PRKN: variants seen among roughly 807,000 people sequenced by gnomAD.
PRKN encodes parkin RBR E3 ubiquitin protein ligase.
In PRKN, 56 loss-of-function variants were observed where a neutral mutation model predicts 59.5. The observed-to-expected ratio is 0.94, with a 90% CI of 0.76 to 1.18. The LOEUF is 1.18. Ranked by LOEUF, PRKN falls within the 50% of genes most tolerant of loss-of-function variation. The probability of loss-of-function intolerance (pLI) is 0.00; values close to 1 mark genes in which losing one functional copy is unlikely to be tolerated. For missense variants in PRKN, 657 were observed against 596.4 expected (o/e 1.10, Z -1.06); for synonymous variants, 250 against 222.1 (o/e 1.13, Z -1.12).
At chr6:162,223,660 C>A (rs200237281) in intron 3 of PRKN, among the ~76,000 whole-genome samples, 1 of 75,782 alleles carries the variant, frequency 1.3e-5, no homozygotes, top group African/African-American at 8.5e-5. Flanking sequence ...CACACACACA[C>A]AAACATAATG....
chr6:162,630,296 G>T (rs941965603), intron 1 of PRKN, among the ~76,000 whole-genome samples: 3 of 152,036 alleles, frequency 2.0e-5, no homozygotes, highest in African/African-American at 7.2e-5. Flanking sequence ...AAGCTAACAG[G>T]TTTTCTTCGT....
At position 161,608,708 on chromosome 6, in the gene PRKN, T is replaced by C. The variant is rs1033294409; in HGVS notation, c.872-39292A>G. On this transcript the variant is annotated intron_variant, in intron 7 of 11. Coordinates refer to ENST00000366898, the MANE Select transcript of PRKN (RefSeq NM_004562.3). ...CCACCACGCCCGGCTAATTTTTTTTTTTTTAATTTTTAGTAGAGATGGGGT... is the reference window on the plus strand; with the variant it reads ...CCACCACGCCCGGCTAATTTTTTTTCTTTTAATTTTTAGTAGAGATGGGGT... Among the ~76,000 whole-genome samples the C allele has an allele frequency of 3.3e-5, 5 of 151,968 alleles. No individual in the cohort carries two copies. The South Asian group carries it at 1.0e-3, about 32-fold the overall frequency.
intron 6 of PRKN, among the ~76,000 whole-genome samples, chr6:161,844,473 G>T (rs187102487): frequency 6.6e-6 from 1 of 152,210 alleles, no homozygotes; most frequent in Non-Finnish European, 1.5e-5. Flanking sequence ...GGAGCTGGAC[G>T]GTTGGACTTT....
rs997366679 is a variant in PRKN at position 161,581,122 on chromosome 6, G to T, written c.872-11706C>A. Among the ~76,000 whole-genome samples the T allele has an allele frequency of 3.3e-5, 5 of 151,592 alleles. No individual in the cohort carries two copies. The highest frequency in any genetic ancestry group is 3.3e-4 in the Admixed American group (5 of 15,232). ...ATGCCCTTGTAATCCCAGCTACTGG[G>T]GAGGTTTGAACCTGGGAGGCAGAGG... On this transcript the variant is annotated intron_variant, in intron 7 of 11. Coordinates refer to ENST00000366898, the MANE Select transcript of PRKN (RefSeq NM_004562.3). This position sits in a 1 kb window ranked among gnomAD's most constrained non-coding sequence, Gnocchi z 4.5.
Position 161,579,809 on chromosome 6 carries a change from A to G in PRKN, c.872-10393T>C, listed in dbSNP as rs1005327790. Among the ~76,000 whole-genome samples, 1 of 152,116 alleles carries G rather than the reference A, an allele frequency of 6.6e-6. No individual in the cohort carries two copies. The highest frequency in any genetic ancestry group is 2.4e-5 in the African/African-American group (1 of 41,430). On this transcript the variant is annotated intron_variant, in intron 7 of 11. Transcript: ENST00000366898. This position sits in a 1 kb window ranked among gnomAD's most constrained non-coding sequence, Gnocchi z 4.2. ...ACTTAATGGTATTTTTTGTTTTTGA[A>G]TTTTGTATTTTAAATTCATTTCAGT...
chr6:162,108,480 G>T (rs370030026), intron 4 of PRKN, among the ~76,000 whole-genome samples: 1 of 152,148 alleles, frequency 6.6e-6, no homozygotes, highest in Non-Finnish European at 1.5e-5. Flanking sequence ...AAATGTCAGT[G>T]TTTCCTACCA....
chr6:162,379,231 T>C (rs1786292400), intron 2 of PRKN, among the ~76,000 whole-genome samples: 1 of 152,038 alleles, frequency 6.6e-6, no homozygotes, highest in African/African-American at 2.4e-5. Context: ...GCTGGGAAGA[T>C]GGCTGGATAC....
rs150565022 is a variant in PRKN at position 161,696,311 on chromosome 6, C to T, written c.871+89461G>A. Among the ~76,000 whole-genome samples the T allele has an allele frequency of 2.2e-3, 330 of 152,162 alleles. 2 individuals carry two copies. Among genetic ancestry groups the T allele is most frequent in the African/African-American group, 7.4e-3 (309 of 41,500 alleles). ...ATTTTTATGACTTAAAATATTTGGA[C>T]GGGATATTTGGAAGTTTCTAAACTC... On this transcript the variant is annotated intron_variant, in intron 7 of 11. Coordinates refer to ENST00000366898, the MANE Select transcript of PRKN (RefSeq NM_004562.3).
intron 6 of PRKN, among the ~76,000 whole-genome samples, chr6:161,941,013 G>A (rs771582046): frequency 6.6e-6 from 1 of 151,366 alleles, no homozygotes; most frequent in African/African-American, 2.5e-5. Flanking sequence ...TACTGATATG[G>A]AAGTGCTGGG....
chr6:161,749,772 T>C (rs1453330360), intron 7 of PRKN, among the ~76,000 whole-genome samples: 1 of 152,120 alleles, frequency 6.6e-6, no homozygotes, highest in Non-Finnish European at 1.5e-5. Flanking sequence ...GGCGAGGCTC[T>C]GTCACTTGAC....
intron 1 of PRKN, among the ~76,000 whole-genome samples, chr6:162,505,125 G>C (rs531385046): frequency 6.6e-6 from 1 of 152,288 alleles, no homozygotes; most frequent in South Asian, 2.1e-4. Context: ...ACCAGATAGA[G>C]AGAAATGTGT....
intron 9 of PRKN, among the ~76,000 whole-genome samples, chr6:161,542,909 A>G (rs1779667830): frequency 6.6e-6 from 1 of 152,220 alleles, no homozygotes; most frequent in Admixed American, 6.5e-5. Flanking sequence ...AAAAAACTCA[A>G]TATGGTTTAA....
chr6:162,067,974 G>C (rs960182897), intron 4 of PRKN, among the ~76,000 whole-genome samples: 1 of 152,232 alleles, frequency 6.6e-6, no homozygotes, highest in Middle Eastern at 3.4e-3. Flanking sequence ...TGAAATCCTT[G>C]CTAACTGTAT....
rs1583936056 is a variant in PRKN at position 162,626,847 on chromosome 6, A to T, written c.7+100815T>A. On this transcript the variant is annotated intron_variant, in intron 1 of 11. Coordinates refer to ENST00000366898, the MANE Select transcript of PRKN (RefSeq NM_004562.3). The stretch of plus-strand genomic sequence containing the variant: ...AAAAAAAAATTTAACTGAGCATAAG[A>T]TGATTAAAATATAGTCCCTTCACAT... Among the ~76,000 whole-genome samples, 6 of 152,146 alleles carry T rather than the reference A, an allele frequency of 3.9e-5. 2 individuals carry two copies. The highest frequency in any genetic ancestry group is 3.9e-4 in the Admixed American group (6 of 15,274).
At chr6:161,813,123 C>T (rs1166971340) in intron 6 of PRKN, among the ~76,000 whole-genome samples, 3 of 152,140 alleles carry the variant, frequency 2.0e-5, no homozygotes, top group Non-Finnish European at 4.4e-5. Context: ...AGCAGGAAGA[C>T]CAGATGCTTA....
At chr6:162,188,799 T>G (rs1309877038) in intron 4 of PRKN, among the ~76,000 whole-genome samples, 1 of 142,550 alleles carries the variant, frequency 7.0e-6, no homozygotes, top group South Asian at 2.3e-4. Context: ...TTTTTTTAAA[T>G]AACAAAACTA....
At chr6:161,431,848 G>A (rs1184684030) in intron 9 of PRKN, among the ~76,000 whole-genome samples, 1 of 152,132 alleles carries the variant, frequency 6.6e-6, no homozygotes, top group African/African-American at 2.4e-5. Flanking sequence ...CCTGACCTCA[G>A]GCAATCCACA....
intron 2 of PRKN, among the ~76,000 whole-genome samples, chr6:162,323,186 C>T (rs890519913): frequency 6.6e-6 from 1 of 151,242 alleles, no homozygotes; most frequent in Admixed American, 6.6e-5. Context: ...ATGTAACTAA[C>T]CTGCACAATG....
Position 161,757,871 on chromosome 6 carries a change from C to CTCTCTCTCTCTCTCTCTCTCTCTCTCTG in PRKN, c.871+27900_871+27901insCAGAGAGAGAGAGAGAGAGAGAGAGAGA, listed in dbSNP as rs1380898753. Among the ~76,000 whole-genome samples the CTCTCTCTCTCTCTCTCTCTCTCTCTCTG allele has an allele frequency of 4.3e-4, 42 of 97,966 alleles. 2 individuals are homozygous for CTCTCTCTCTCTCTCTCTCTCTCTCTCTG. The highest frequency in any genetic ancestry group is 1.4e-3 in the African/African-American group (31 of 22,344). The allele number at this position is 97,966 out of a possible 152,430, so 64.3% of individuals were successfully genotyped here. On this transcript the variant is annotated intron_variant, in intron 7 of 11. Coordinates refer to ENST00000366898, the MANE Select transcript of PRKN (RefSeq NM_004562.3). ...TCTCTCTCTCTCTCTCTCTCTCTCT[C>CTCTCTCTCTCTCTCTCTCTCTCTCTCTG]TGTGTATATATATATACACACACAC...
Sources: allele counts gnomAD v4.1 joint callset (sites outside exome capture counted in the v4.1 genomes callset), GRCh38; gene constraint gnomAD v4.1.1; non-coding constraint Gnocchi (gnomAD v3.1); transcripts MANE v1.5; gene names NCBI Gene and HGNC (gene_info 2026-07-23, HGNC 2026-07-21).